The following ANXA4 variants were observed in gnomAD, a reference collection of about 807,000 sequenced individuals.
ANXA4 encodes 35-beta calcimedin.
ANXA4 carries 39 observed loss-of-function variants against 49.8 expected under a neutral mutation model. The observed-to-expected ratio is 0.78, with a 90% CI of 0.61 to 1.02. The LOEUF (loss-of-function observed/expected upper bound fraction) is 1.02, where lower values mean the gene tolerates loss of function less well. ANXA4 is among the 50% of genes least tolerant of loss of function. The pLI is 0.00. For missense variants in ANXA4, 360 were observed against 410.1 expected (o/e 0.88, Z 1.05); for synonymous variants, 134 against 152.5 (o/e 0.88, Z 0.89).
chr2:69,671,223 T>C (rs1395336745), intron 2 of ANXA4, among the ~76,000 whole-genome samples: 1 of 152,026 alleles, frequency 6.6e-6, no homozygotes, highest in Non-Finnish European at 1.5e-5. Flanking sequence ...AATTTGAGAC[T>C]ACATTAAAAT....
chr2:69,723,836 C>T (rs1669886385), intron 3 of ANXA4, among the ~76,000 whole-genome samples: 7 of 152,186 alleles, frequency 4.6e-5, no homozygotes, highest in Admixed American at 3.9e-4. Flanking sequence ...AGGCATGCAC[C>T]ACCCACTGCA....
At chr2:69,785,792 C>T (rs1440461411) in intron 2 of ANXA4, among the ~76,000 whole-genome samples, 1 of 152,144 alleles carries the variant, frequency 6.6e-6, no homozygotes, top group East Asian at 1.9e-4. Context: ...AGACCAAGCG[C>T]CAACTACTCC....
At chr2:69,667,348 AAAAG>A (rs759915211) in intron 2 of ANXA4, among the ~76,000 whole-genome samples, 3 of 152,188 alleles carry the variant, frequency 2.0e-5, no homozygotes, top group African/African-American at 7.2e-5. Context: ...GCTATTGAAA[AAAAG>A]AAAGAGATCC....
chr2:69,762,373 G>A (rs549196934), intron 1 of ANXA4, among the ~76,000 whole-genome samples: 1 of 150,058 alleles, frequency 6.7e-6, no homozygotes, highest in South Asian at 2.1e-4. Flanking sequence ...GTGACAGAGT[G>A]AGACCCCGTC....
intron 3 of ANXA4, among the ~76,000 whole-genome samples, chr2:69,723,877 A>T (rs1329222444): frequency 6.6e-6 from 1 of 152,208 alleles, no homozygotes; most frequent in East Asian, 1.9e-4. Flanking sequence ...TCCTAAAGAC[A>T]CTACATGAGA....
rs1168674798 is a variant in ANXA4, at chr2:69,827,066, C to T, written c.*1551C>T. The T allele has an allele frequency of 6.6e-6, 1 of 152,108 alleles. No homozygotes were observed. Among genetic ancestry groups the T allele is most frequent in the Non-Finnish European group, 1.5e-5 (1 of 68,016 alleles). 9.4% of individuals were successfully genotyped at this position (152,108 alleles called of 1,614,324 possible). A position where few individuals can be genotyped will look rare whatever the true frequency, so the allele number is the denominator to read the frequency against. ...GTGATGCCCTCTGCTCTAAGTAGAC[C>T]ATTTATATTAAATATCATAAATGTA... On this transcript the variant is annotated 3_prime_UTR_variant, in exon 13 of 13. Coordinates refer to ENST00000394295, the MANE Select transcript of ANXA4 (RefSeq NM_001153.5).
intron 2 of ANXA4, among the ~76,000 whole-genome samples, chr2:69,720,608 T>C (rs1379102850): frequency 6.6e-6 from 1 of 152,168 alleles, no homozygotes; most frequent in Non-Finnish European, 1.5e-5. Context: ...CAGATTTATG[T>C]TTTTAAAAGA....
intron 2 of ANXA4, among the ~76,000 whole-genome samples, chr2:69,715,177 C>G (rs1678837591): frequency 6.6e-6 from 1 of 152,142 alleles, no homozygotes; most frequent in African/African-American, 2.4e-5. Flanking sequence ...AAGGCCCTGC[C>G]TCAAGCAAAT....
chr2:69,656,168 G>A (rs561222250), intron 2 of ANXA4, among the ~76,000 whole-genome samples: 2 of 145,598 alleles, frequency 1.4e-5, no homozygotes, highest in South Asian at 2.2e-4. Context: ...AGCACTTAAA[G>A]TATAATTAAA....
chr2:69,646,411 GT>G (rs1311095879), intron 1 of ANXA4, among the ~76,000 whole-genome samples: 1 of 152,154 alleles, frequency 6.6e-6, no homozygotes, highest in East Asian at 1.9e-4. Flanking sequence ...CATAGAGTGT[GT>G]TCTTAGCAGT....
intron 1 of ANXA4, among the ~76,000 whole-genome samples, chr2:69,776,537 A>G (rs926670076): frequency 6.7e-6 from 1 of 150,046 alleles, no homozygotes; most frequent in African/African-American, 2.4e-5. Flanking sequence ...GGGTTCCCAC[A>G]TCAAGCATCA....
intron 1 of ANXA4, among the ~76,000 whole-genome samples, chr2:69,770,431 T>G (rs1342829058): frequency 6.6e-6 from 1 of 151,990 alleles, no homozygotes; most frequent in Non-Finnish European, 1.5e-5. Flanking sequence ...CAAAGAAAAA[T>G]AGTGAATGAC....
intron 2 of ANXA4, among the ~76,000 whole-genome samples, chr2:69,660,136 TTATA>T (rs909805235): frequency 2.6e-5 from 4 of 152,216 alleles, no homozygotes; most frequent in Admixed American, 6.5e-5. Flanking sequence ...TTGTCTGTCT[TTATA>T]TATGCAGAAG....
At chr2:69,774,908 G>A (rs1271880738) in intron 1 of ANXA4, among the ~76,000 whole-genome samples, 1 of 152,150 alleles carries the variant, frequency 6.6e-6, no homozygotes, top group East Asian at 1.9e-4. Flanking sequence ...TGGACCACCT[G>A]AAACATCTGC....
chr2:69,757,550 G>A (rs1187525484), intron 1 of ANXA4, among the ~76,000 whole-genome samples: 1 of 150,918 alleles, frequency 6.6e-6, no homozygotes, highest in Non-Finnish European at 1.5e-5. Flanking sequence ...TGGGGTTACA[G>A]GTGTGAGCCA....
intron 3 of ANXA4, among the ~76,000 whole-genome samples, chr2:69,790,728 A>G (rs1181681218): frequency 6.6e-6 from 1 of 152,106 alleles, no homozygotes; most frequent in Non-Finnish European, 1.5e-5. Context: ...ATGTTTCCAG[A>G]TTTTTCTATT....
chr2:69,667,774 G>A (rs889316538), intron 2 of ANXA4, among the ~76,000 whole-genome samples: 1 of 152,210 alleles, frequency 6.6e-6, no homozygotes, highest in East Asian at 1.9e-4. Context: ...TGGCAGCTGA[G>A]CCATTCTTCC....
chr2:69,823,194 G>A (rs1037031070), intron 12 of ANXA4, among the ~76,000 whole-genome samples: 1 of 150,808 alleles, frequency 6.6e-6, no homozygotes, highest in Admixed American at 6.6e-5. Flanking sequence ...TATATTGATT[G>A]GCTTGGGAAG....
intron 2 of ANXA4, among the ~76,000 whole-genome samples, chr2:69,688,723 G>A (rs1231501837): frequency 6.6e-6 from 1 of 152,166 alleles, no homozygotes; most frequent in African/African-American, 2.4e-5. Flanking sequence ...TATTTGATGT[G>A]TTTTAATCAA....
Sources: gnomAD v4.1 joint callset for allele counts (sites outside exome capture counted in the v4.1 genomes callset) on GRCh38, gnomAD v4.1.1 for gene constraint, MANE v1.5 for transcripts, NCBI Gene and HGNC (gene_info 2026-07-23, HGNC 2026-07-21) for gene names.